Variants in CD44 observed in about 807,000 individuals in gnomAD.
CD44 encodes CD44 molecule (IN blood group), also known as CD44 antigen.
A neutral mutation model predicts 88.8 loss-of-function variants in CD44; 49 were observed. That is an observed-to-expected ratio of 0.55 (90% CI 0.44 to 0.70). CD44 has a LOEUF of 0.70. Among genes scored for constraint, CD44 ranks in the 30% least tolerant of loss-of-function variants. The pLI is 0.00. For synonymous variants in CD44, 325 were observed against 312.3 expected (o/e 1.04, Z -0.43); for missense variants, 883 against 913.8 (o/e 0.97, Z 0.43).
intron 17 of CD44, among the ~76,000 whole-genome samples, chr11:35,224,303 C>T (rs1333120138): frequency 2.0e-5 from 3 of 152,318 alleles, no homozygotes; most frequent in African/African-American, 2.4e-5. Context: ...TGCTGTTCCT[C>T]ATGTCACCTG....
At chr11:35,167,281 T>C (rs538346063) in intron 1 of CD44, among the ~76,000 whole-genome samples, 49 of 152,276 alleles carry the variant, frequency 3.2e-4, no homozygotes, top group Middle Eastern at 3.4e-3. Context: ...TTTTTGTTTT[T>C]GTTTTTTGTT....
At chr11:35,191,178 C>T (rs1007239738) in intron 5 of CD44, among the ~76,000 whole-genome samples, 1 of 152,196 alleles carries the variant, frequency 6.6e-6, no homozygotes. Flanking sequence ...AATGCGCTGG[C>T]TTGTGAATAC....
At chr11:35,211,827 C>T (rs1020094204) in intron 14 of CD44, among the ~76,000 whole-genome samples, 3 of 151,910 alleles carry the variant, frequency 2.0e-5, no homozygotes, top group African/African-American at 4.8e-5. Flanking sequence ...TTAGCAATTC[C>T]GTTTAATTCG....
intron 1 of CD44, among the ~76,000 whole-genome samples, chr11:35,174,104 G>A (rs970248216): frequency 2.0e-5 from 3 of 152,162 alleles, no homozygotes; most frequent in African/African-American, 7.2e-5. Flanking sequence ...TGCAGTAATA[G>A]GTCCCCTCTC....
chr11:35,217,344 T>G (rs1169819966), intron 15 of CD44, among the ~76,000 whole-genome samples: 5 of 147,554 alleles, frequency 3.4e-5, no homozygotes, highest in African/African-American at 1.2e-4. Context: ...AAGGCTTCTA[T>G]GAGTCAGAAA....
Position 35,221,744 on chromosome 11 carries a change from T to TC in CD44, c.2024+14dup. The TC allele has an allele frequency of 1.2e-6, 2 of 1,611,688 alleles. No individual in the cohort carries two copies. The highest frequency in any genetic ancestry group is 1.7e-6 in the Non-Finnish European group (2 of 1,177,732). On this transcript the variant is annotated intron_variant, in intron 17 of 17. Coordinates refer to ENST00000428726, the MANE Select transcript of CD44 (RefSeq NM_000610.4). ...AACAGTCGAAGAAGGTAAGGGGCTG[T>TC]CCTGGGGGCTTTCAACTTGGAAAGG...
At chr11:35,155,664 A>G (rs1941768225) in intron 1 of CD44, among the ~76,000 whole-genome samples, 1 of 152,204 alleles carries the variant, frequency 6.6e-6, no homozygotes, top group African/African-American at 2.4e-5. Context: ...TGAGTACTTT[A>G]TTATTAGAAA....
chr11:35,205,321 T>A (rs1474422618), intron 10 of CD44, among the ~76,000 whole-genome samples: 1 of 152,228 alleles, frequency 6.6e-6, no homozygotes, highest in Non-Finnish European at 1.5e-5. Context: ...TTATAAAGAA[T>A]GTGAATTCCA....
chr11:35,171,295 T>C (rs986130442), intron 1 of CD44, among the ~76,000 whole-genome samples: 11 of 152,224 alleles, frequency 7.2e-5, no homozygotes, highest in Non-Finnish European at 1.5e-4. Context: ...ATTCACAGGA[T>C]AGTTGACCAG....
intron 17 of CD44, among the ~76,000 whole-genome samples, chr11:35,225,261 G>T (rs544530993): frequency 3.3e-5 from 5 of 152,274 alleles, no homozygotes; most frequent in African/African-American, 9.6e-5. Flanking sequence ...TATCGTTAAG[G>T]ATTGTCAGGT....
At chr11:35,172,542 T>C (rs1284377579) in intron 1 of CD44, among the ~76,000 whole-genome samples, 2 of 152,216 alleles carry the variant, frequency 1.3e-5, no homozygotes, top group African/African-American at 2.4e-5. Context: ...CCCAAATTGA[T>C]GTGGATGGCA....
chr11:35,221,868 C>A, intron 17 of CD44, 136 bp downstream of exon 17: 1 of 775,994 alleles, frequency 1.3e-6, no homozygotes, highest in Non-Finnish European at 2.2e-6. Context: ...AATGCACAAT[C>A]TCAGACCCAA....
chr11:35,167,348 A>G (rs1943410600), intron 1 of CD44, among the ~76,000 whole-genome samples: 1 of 151,800 alleles, frequency 6.6e-6, no homozygotes, highest in Admixed American at 6.6e-5. Flanking sequence ...CCTTGATTTT[A>G]TTTTCTCCTG....
In CD44 at chr11:35,201,160, C is replaced by T. The variant is rs375288503; in HGVS notation, c.1001C>T (p.Pro334Leu). The T allele has an allele frequency of 2.3e-5, 37 of 1,613,756 alleles. No homozygotes were observed. Among genetic ancestry groups the T allele is most frequent in the Middle Eastern group, 1.6e-4 (1 of 6,082 alleles). Residue 334 changes from proline to leucine, a missense_variant, in exon 8 of 18, where the codon CCG becomes CTG. By Grantham distance (98) the Pro-to-Leu change is moderately conservative. Coordinates refer to ENST00000428726, the MANE Select transcript of CD44 (RefSeq NM_000610.4). ...WTQWNPSHSN[P>L]EVLLQTTTRM... ...CAGTGGAACCCAAGCCATTCAAATCCGGAAGTGCTACTTCAGACAACCACA... is the reference window on the plus strand; with the variant it reads ...CAGTGGAACCCAAGCCATTCAAATCTGGAAGTGCTACTTCAGACAACCACA...
intron 1 of CD44, among the ~76,000 whole-genome samples, chr11:35,166,264 T>C (rs1943248614): frequency 1.3e-5 from 2 of 152,200 alleles, no homozygotes; most frequent in African/African-American, 4.8e-5. Context: ...TACTGTGGTT[T>C]CTCTGCCTGA....
intron 17 of CD44, among the ~76,000 whole-genome samples, chr11:35,226,045 T>G (rs1268270347): frequency 6.6e-6 from 1 of 152,224 alleles, no homozygotes; most frequent in Admixed American, 6.5e-5. Flanking sequence ...AATTAGAATT[T>G]GTCTCTTAAA....
chr11:35,186,266 A>G (rs1006807160), intron 3 of CD44, among the ~76,000 whole-genome samples: 1 of 152,214 alleles, frequency 6.6e-6, no homozygotes, highest in African/African-American at 2.4e-5. Context: ...TAATATTTCA[A>G]CTGAGTAAAT....
At chr11:35,141,028 A>G (rs1346250984) in intron 1 of CD44, among the ~76,000 whole-genome samples, 2 of 150,724 alleles carry the variant, frequency 1.3e-5, no homozygotes, top group African/African-American at 4.8e-5. Flanking sequence ...TAAAAAAAAA[A>G]AAATGAATAC....
chr11:35,173,077 G>T, intron 1 of CD44, among the ~76,000 whole-genome samples: 1 of 152,228 alleles, frequency 6.6e-6, no homozygotes, highest in East Asian at 1.9e-4. Context: ...TGCATATTCT[G>T]TCTGCCAGGT....
Sources: allele counts gnomAD v4.1 joint callset (sites outside exome capture counted in the v4.1 genomes callset), GRCh38; gene constraint gnomAD v4.1.1; transcripts MANE v1.5; gene names NCBI Gene and HGNC (gene_info 2026-07-23, HGNC 2026-07-21).